The following DNAAF4 variants were observed in gnomAD, a reference collection of about 807,000 sequenced individuals.
The protein encoded by DNAAF4 is dynein assembly factor 4, axonemal.
DNAAF4 carries 43 observed loss-of-function variants against 51.8 expected under a neutral mutation model. The observed-to-expected ratio is 0.83, with a 90% CI of 0.65 to 1.07. The LOEUF (loss-of-function observed/expected upper bound fraction) is 1.07, where lower values mean the gene tolerates loss of function less well. Among genes scored for constraint, DNAAF4 ranks in the 50% least tolerant of loss-of-function variants. The probability of loss-of-function intolerance (pLI) is 0.00; values close to 1 mark genes in which losing one functional copy is unlikely to be tolerated. For synonymous variants in DNAAF4, 194 were observed against 165.6 expected (o/e 1.17, Z -1.32); for missense variants, 581 against 493.0 (o/e 1.18, Z -1.69).
intron 4 of DNAAF4, among the ~76,000 whole-genome samples, chr15:55,478,325 A>T (rs2058363561): frequency 6.6e-6 from 1 of 152,204 alleles, no homozygotes; most frequent in Non-Finnish European, 1.5e-5. Flanking sequence ...TTCTAATAGT[A>T]CCAAGCTGCC....
intron 5 of DNAAF4, among the ~76,000 whole-genome samples, chr15:55,465,391 T>TACACACAC (rs1225166580): frequency 0.023 from 3,457 of 147,888 alleles, 123 homozygotes; most frequent in African/African-American, 0.073. Context: ...ATGGTGTATA[T>TACACACAC]ATACACACAC....
At chr15:55,474,781 C>T (rs755728686) in intron 4 of DNAAF4, among the ~76,000 whole-genome samples, 16 of 151,714 alleles carry the variant, frequency 1.1e-4, no homozygotes, top group Non-Finnish European at 2.1e-4. Flanking sequence ...GAGTTCAAGA[C>T]CAGCCTGGCC....
At chr15:55,493,589 T>G (rs145329313) in intron 3 of DNAAF4, among the ~76,000 whole-genome samples, 2 of 152,092 alleles carry the variant, frequency 1.3e-5, no homozygotes, top group African/African-American at 2.4e-5. Context: ...TGAGAAAAAT[T>G]AGAGTCTGAA....
chr15:55,473,415 A>T (rs2058295377), intron 4 of DNAAF4, among the ~76,000 whole-genome samples: 1 of 149,532 alleles, frequency 6.7e-6, no homozygotes, highest in Non-Finnish European at 1.5e-5. Context: ...TATTAAAATT[A>T]TAATACACCT....
At chr15:55,444,976 A>G (rs2057773570) in intron 6 of DNAAF4, among the ~76,000 whole-genome samples, 2 of 151,074 alleles carry the variant, frequency 1.3e-5, no homozygotes, top group South Asian at 2.1e-4. Flanking sequence ...TAAATATACA[A>G]TCATGTCATC....
chr15:55,475,866 T>G (rs564952278), intron 4 of DNAAF4, among the ~76,000 whole-genome samples: 109 of 152,146 alleles, frequency 7.2e-4, no homozygotes, highest in Non-Finnish European at 1.2e-3. Context: ...GCAGTTGGTC[T>G]GAGGTTGAGA....
At chr15:55,475,144 G>C (rs933087977) in intron 4 of DNAAF4, among the ~76,000 whole-genome samples, 6 of 152,136 alleles carry the variant, frequency 3.9e-5, no homozygotes, top group African/African-American at 1.4e-4. Context: ...AATTTACAAA[G>C]TCAATGTAAA....
At chr15:55,423,259 T>C (rs930334741) in intron 7 of DNAAF4, among the ~76,000 whole-genome samples, 4 of 151,694 alleles carry the variant, frequency 2.6e-5, no homozygotes, top group Non-Finnish European at 5.9e-5. Flanking sequence ...TGGAGCGCAA[T>C]GACACAAGCA....
chr15:55,477,786 T>G (rs932159489), intron 4 of DNAAF4, among the ~76,000 whole-genome samples: 1 of 151,790 alleles, frequency 6.6e-6, no homozygotes, highest in Non-Finnish European at 1.5e-5. Context: ...CACTCCTAGC[T>G]GGGTGTGGCA....
chr15:55,465,363 TGAG>T (rs1377389688), intron 5 of DNAAF4, among the ~76,000 whole-genome samples: 1 of 144,090 alleles, frequency 6.9e-6, no homozygotes, highest in Non-Finnish European at 1.5e-5. Context: ...TATCAACTAA[TGAG>T]AAGATAAAGA....
intron 7 of DNAAF4, among the ~76,000 whole-genome samples, chr15:55,425,081 T>C (rs1183743354): frequency 6.6e-6 from 1 of 151,770 alleles, no homozygotes; most frequent in Non-Finnish European, 1.5e-5. Flanking sequence ...GTCAGGCTGA[T>C]CTTGAACTCC....
intron 5 of DNAAF4, among the ~76,000 whole-genome samples, chr15:55,465,258 T>A (rs763190679): frequency 7.9e-5 from 12 of 152,130 alleles, no homozygotes; most frequent in Non-Finnish European, 1.6e-4. Context: ...CTACTGGGTA[T>A]CTATCTAGAG....
At chr15:55,449,587 C>T (rs1334214682) in intron 6 of DNAAF4, among the ~76,000 whole-genome samples, 1 of 150,134 alleles carries the variant, frequency 6.7e-6, no homozygotes, top group African/African-American at 2.4e-5. Context: ...TTGTTTGAAC[C>T]TGGGAGGAGG....
Position 55,432,616 on chromosome 15 carries a change from T to C in DNAAF4, c.1048-14A>G, listed in dbSNP as rs779627915. The C allele has an allele frequency of 2.5e-5, 39 of 1,586,040 alleles. No individual in the cohort carries two copies. Among genetic ancestry groups the C allele is most frequent in the Non-Finnish European group, 3.1e-5 (36 of 1,161,218 alleles). ...TAATTCCAGTGCCTTACAAAATATA[T>C]ATAATTATTACAAGAAAGTTATAGT... On this transcript the variant is annotated splice_polypyrimidine_tract_variant and intron_variant, in intron 8 of 9. Coordinates refer to ENST00000321149, the MANE Select transcript of DNAAF4 (RefSeq NM_130810.4).
chr15:55,495,858 A>C (rs1052798693), intron 3 of DNAAF4, among the ~76,000 whole-genome samples: 8 of 152,242 alleles, frequency 5.3e-5, no homozygotes, highest in African/African-American at 1.9e-4. Context: ...ATTACTGACT[A>C]TGGAAGCTGA....
chr15:55,472,130 G>A (rs1357390282), intron 4 of DNAAF4, among the ~76,000 whole-genome samples: 2 of 152,116 alleles, frequency 1.3e-5, no homozygotes, highest in African/African-American at 4.8e-5. Flanking sequence ...GTGAGCCACC[G>A]TGCCCAGCTC....
At chr15:55,449,263 T>C (rs1036269563) in intron 6 of DNAAF4, among the ~76,000 whole-genome samples, 1 of 151,288 alleles carries the variant, frequency 6.6e-6, no homozygotes, top group African/African-American at 2.4e-5. Flanking sequence ...GTGCTAGAAT[T>C]ACAGGCGTGA....
At chr15:55,442,986 G>A (rs1480630956) in intron 6 of DNAAF4, 21 of 1,610,892 alleles carry the variant, frequency 1.3e-5, no homozygotes, top group South Asian at 9.9e-5. Flanking sequence ...AGAACATCAC[G>A]TATTCAAAGC....
In DNAAF4 at chr15:55,432,423, G is replaced by A. The variant is rs950915956; in HGVS notation, c.1153+74C>T. The A allele has an allele frequency of 3.5e-4, 432 of 1,220,430 alleles. 2 individuals are homozygous for A. The highest frequency in any genetic ancestry group is 5.6e-5 in the Non-Finnish European group (48 of 862,412). The allele number at this position is 1,220,430 out of a possible 1,614,324, so 75.6% of individuals were successfully genotyped here. A position where few individuals can be genotyped will look rare whatever the true frequency, so the allele number is the denominator to read the frequency against. On this transcript the variant is annotated intron_variant, in intron 9 of 9. Transcript: ENST00000321149. The stretch of plus-strand genomic sequence containing the variant: ...TAAAAATGGAGTCCTTAAAAGTCAC[G>A]ATCTTAAATAATTCCAATGACATTT...
Sources: allele counts gnomAD v4.1 joint callset (sites outside exome capture counted in the v4.1 genomes callset), GRCh38; gene constraint gnomAD v4.1.1; transcripts MANE v1.5; gene names NCBI Gene and HGNC (gene_info 2026-07-23, HGNC 2026-07-21).